Variants in KCNJ6 observed in about 807,000 individuals in gnomAD.
KCNJ6 encodes the protein potassium inwardly rectifying channel subfamily J member 6.
KCNJ6 carries 9 observed loss-of-function variants against 34.2 expected under a neutral mutation model. The observed-to-expected ratio is 0.26, with a 90% CI of 0.16 to 0.46. The LOEUF is 0.46. Among genes scored for constraint, KCNJ6 ranks in the 20% least tolerant of loss-of-function variants. The probability of loss-of-function intolerance (pLI) is 1.00; values close to 1 mark genes in which losing one functional copy is unlikely to be tolerated. For missense variants in KCNJ6, 236 were observed against 531.3 expected (o/e 0.44, Z 5.46); for synonymous variants, 196 against 207.1 (o/e 0.95, Z 0.46).
intron 3 of KCNJ6, among the ~76,000 whole-genome samples, chr21:37,627,981 G>GT (rs1203554179): frequency 2.6e-5 from 4 of 152,122 alleles, no homozygotes; most frequent in Non-Finnish European, 5.9e-5. Flanking sequence ...TACACAAAAA[G>GT]TACAGACCTT....
intron 2 of KCNJ6, among the ~76,000 whole-genome samples, chr21:37,765,517 C>T (rs912249512): frequency 3.9e-5 from 6 of 152,124 alleles, no homozygotes; most frequent in Non-Finnish European, 5.9e-5. Flanking sequence ...TATGGCAGCC[C>T]CCTTTGCCTC....
chr21:37,628,087 T>C (rs900078768), intron 3 of KCNJ6, among the ~76,000 whole-genome samples: 17 of 152,164 alleles, frequency 1.1e-4, no homozygotes, highest in African/African-American at 3.6e-4. Flanking sequence ...GGTTACTACA[T>C]TATATTACTT....
chr21:37,762,446 CAAG>C (rs548660247), intron 2 of KCNJ6, among the ~76,000 whole-genome samples: 77 of 152,264 alleles, frequency 5.1e-4, no homozygotes, highest in African/African-American at 1.8e-3. Flanking sequence ...GTCTTGAGGC[CAAG>C]GCTGATGGGC....
At position 37,617,095 on chromosome 21, in the gene KCNJ6, C is replaced by CT. The variant is rs1193482648; in HGVS notation, c.*8063dup. 1 of 40,760 alleles carries CT rather than the reference C, an allele frequency of 2.5e-5. No individual in the cohort carries two copies. The highest frequency in any genetic ancestry group is 1.2e-4 in the African/African-American group (1 of 8,538). 2.5% of individuals were successfully genotyped at this position (40,760 alleles called of 1,614,324 possible). A position where few individuals can be genotyped will look rare whatever the true frequency, so the allele number is the denominator to read the frequency against. ...TTCTTTTCTTTCTTTTTCTTTCTTT[C>CT]TTTTCTTTCTTTCTTTCCTTCTTCC... On this transcript the variant is annotated 3_prime_UTR_variant, in exon 4 of 4. Coordinates refer to ENST00000609713, the MANE Select transcript of KCNJ6 (RefSeq NM_002240.5).
intron 3 of KCNJ6, among the ~76,000 whole-genome samples, chr21:37,646,076 C>T (rs1266861594): frequency 6.6e-6 from 1 of 152,060 alleles, no homozygotes; most frequent in Non-Finnish European, 1.5e-5. Flanking sequence ...TAAATGTATG[C>T]GTAATACATT....
chr21:37,656,658 C>G (rs1438922650), intron 3 of KCNJ6, among the ~76,000 whole-genome samples: 1 of 152,190 alleles, frequency 6.6e-6, no homozygotes, highest in Non-Finnish European at 1.5e-5. Context: ...TTATCTTTGT[C>G]CTTTCCCCGG....
chr21:37,769,208 T>C (rs2055105950), intron 2 of KCNJ6, among the ~76,000 whole-genome samples: 1 of 152,174 alleles, frequency 6.6e-6, no homozygotes, highest in Non-Finnish European at 1.5e-5. Flanking sequence ...GCTTACGTGA[T>C]GTTCCAGATG....
intron 1 of KCNJ6, among the ~76,000 whole-genome samples, chr21:37,856,878 T>TA (rs891057913): frequency 6.6e-5 from 10 of 152,158 alleles, no homozygotes; most frequent in African/African-American, 2.4e-4. Context: ...ATGTACCAGT[T>TA]ACTTGGTTTC....
chr21:37,632,183 G>A (rs902144904), intron 3 of KCNJ6, among the ~76,000 whole-genome samples: 2 of 151,008 alleles, frequency 1.3e-5, no homozygotes, highest in Non-Finnish European at 3.0e-5. Flanking sequence ...TTCTGTGTAT[G>A]AATTGATATA....
Position 37,869,245 on chromosome 21 carries a change from G to A in KCNJ6, c.-27-28536C>T, listed in dbSNP as rs1054385319. 6.5e-4 allele frequency among the ~76,000 whole-genome samples: 99 copies of A among 152,204 alleles called. 1 individual carries two copies. The highest frequency in any genetic ancestry group is 2.6e-4 in the Admixed American group (4 of 15,278). ...GCTCTCCCATTTCCATGGCCTCCAC[G>A]GCCGAGCCCTCATATGAGTGACCCC... is the stretch of plus-strand genomic sequence containing the variant. On this transcript the variant is annotated intron_variant, in intron 1 of 3. Coordinates refer to ENST00000609713, the MANE Select transcript of KCNJ6 (RefSeq NM_002240.5).
At chr21:37,726,053 A>G (rs187733532) in intron 2 of KCNJ6, among the ~76,000 whole-genome samples, 144 of 152,216 alleles carry the variant, frequency 9.5e-4, no homozygotes, top group African/African-American at 3.3e-3. Flanking sequence ...CTACAGGTGC[A>G]TGCCACCATG....
chr21:37,649,796 T>A (rs191792075), intron 3 of KCNJ6, among the ~76,000 whole-genome samples: 2 of 152,284 alleles, frequency 1.3e-5, no homozygotes, highest in East Asian at 3.9e-4. Context: ...TCTGTCGCCC[T>A]GGCTGGAGTG....
intron 3 of KCNJ6, among the ~76,000 whole-genome samples, chr21:37,704,814 T>C (rs1256750927): frequency 6.6e-6 from 1 of 151,836 alleles, no homozygotes; most frequent in Non-Finnish European, 1.5e-5. Context: ...TCAAAATTGA[T>C]TTTTCCCTTT....
intron 1 of KCNJ6, among the ~76,000 whole-genome samples, chr21:37,910,382 G>GA (rs958233000): frequency 7.2e-5 from 11 of 152,072 alleles, no homozygotes; most frequent in Admixed American, 5.2e-4. Context: ...AAAGCATCAT[G>GA]AAAAAAATCA....
chr21:37,781,066 T>C (rs1197643372), intron 2 of KCNJ6, among the ~76,000 whole-genome samples: 1 of 152,166 alleles, frequency 6.6e-6, no homozygotes, highest in East Asian at 1.9e-4. Flanking sequence ...CTCCTTCCTA[T>C]GTCGAGTCTA....
At chr21:37,693,925 A>ATT (rs10708287) in intron 3 of KCNJ6, among the ~76,000 whole-genome samples, 1 of 128,526 alleles carries the variant, frequency 7.8e-6, no homozygotes, top group African/African-American at 3.2e-5. Context: ...ATTATTTACC[A>ATT]TTTTTTTTTT....
intron 2 of KCNJ6, among the ~76,000 whole-genome samples, chr21:37,776,539 T>C (rs1292016662): frequency 1.3e-5 from 2 of 152,202 alleles, no homozygotes; most frequent in Non-Finnish European, 2.9e-5. Flanking sequence ...ACCTAATTTA[T>C]TGAGAGTTTT....
chr21:37,848,111 G>C (rs1255702655), intron 1 of KCNJ6, among the ~76,000 whole-genome samples: 1 of 152,206 alleles, frequency 6.6e-6, no homozygotes, highest in East Asian at 1.9e-4. Flanking sequence ...GCTCAGGAGG[G>C]AGGCCAGGGC....
chr21:37,617,018 T>TTTC lies in KCNJ6; in HGVS notation c.*8140_*8141insGAA, dbSNP rs1160730031. On this transcript the variant is annotated 3_prime_UTR_variant, in exon 4 of 4. Transcript: ENST00000609713. ...TTCTTTCTCTTTCTTTTCTCTTTCTTTCTTTCTTTCTTTCTTTCTTTCTTT... is the reference window on the plus strand; with the variant it reads ...TTCTTTCTCTTTCTTTTCTCTTTCTTTTCTCTTTCTTTCTTTCTTTCTTTCTTT... 3 of 21,610 alleles carry TTTC rather than the reference T, an allele frequency of 1.4e-4. No homozygotes were observed. The highest frequency in any genetic ancestry group is 2.5e-4 in the Non-Finnish European group (3 of 11,860). The allele number at this position is 21,610 out of a possible 1,614,324, so 1.3% of individuals were successfully genotyped here.
Sources: gnomAD v4.1 joint callset for allele counts (sites outside exome capture counted in the v4.1 genomes callset) on GRCh38, gnomAD v4.1.1 for gene constraint, MANE v1.5 for transcripts, NCBI Gene and HGNC (gene_info 2026-07-23, HGNC 2026-07-21) for gene names.